The following HPSE2 variants were observed in gnomAD, a reference collection of about 807,000 sequenced individuals.
The protein encoded by HPSE2 is heparanase 2 (inactive).
HPSE2 carries 38 observed loss-of-function variants against 60.5 expected under a neutral mutation model. The ratio of observed to expected loss-of-function variants is 0.63; its 90% CI spans 0.48 to 0.82. The LOEUF (loss-of-function observed/expected upper bound fraction) is 0.82, where lower values mean the gene tolerates loss of function less well. Among genes scored for constraint, HPSE2 ranks in the 40% least tolerant of loss-of-function variants. HPSE2 has a pLI of 0.00. For missense variants in HPSE2, 713 were observed against 740.4 expected (o/e 0.96, Z 0.43); for synonymous variants, 295 against 293.2 (o/e 1.01, Z -0.06).
intron 3 of HPSE2, among the ~76,000 whole-genome samples, chr10:99,004,046 A>C (rs1956836615): frequency 6.6e-6 from 1 of 152,090 alleles, no homozygotes; most frequent in South Asian, 2.1e-4. Context: ...ATTTGATATA[A>C]GTATAGTTAC....
intron 7 of HPSE2, among the ~76,000 whole-genome samples, chr10:98,635,985 G>A (rs1172857374): frequency 1.3e-5 from 2 of 151,990 alleles, no homozygotes; most frequent in Non-Finnish European, 2.9e-5. Flanking sequence ...AAATTTGATC[G>A]CATAAAAGTA....
the HPSE2 span, among the ~76,000 whole-genome samples, chr10:99,268,710 GATTA>G: frequency 6.7e-6 from 1 of 150,240 alleles, no homozygotes; most frequent in African/African-American, 2.4e-5. Flanking sequence ...TAAATAAATT[GATTA>G]ATTAATTAAA....
intron 3 of HPSE2, among the ~76,000 whole-genome samples, chr10:98,819,285 A>G (rs1951364799): frequency 6.6e-6 from 1 of 152,160 alleles, no homozygotes; most frequent in Non-Finnish European, 1.5e-5. Context: ...AATCCTCTGT[A>G]TTTGACACTC....
intron 3 of HPSE2, among the ~76,000 whole-genome samples, chr10:99,108,713 T>A (rs1844342851): frequency 6.6e-6 from 1 of 152,208 alleles, no homozygotes; most frequent in African/African-American, 2.4e-5. Flanking sequence ...TTAGTCCTTT[T>A]AGCATGAAGT....
At chr10:99,240,271 A>G (rs191379662), upstream of HPSE2, among the ~76,000 whole-genome samples, 1 of 152,282 alleles carries the variant, frequency 6.6e-6, no homozygotes, top group East Asian at 1.9e-4. Flanking sequence ...GGAAATATAT[A>G]CCAGTAACCA....
rs572223865 is a variant in HPSE2, at chr10:98,723,800, C to T, written c.785-1972G>A. ...ATGATAGTTTGTATGTCTGTGGGAT[C>T]GGTGGTGATATCCCCTTTGTCATTT... On this transcript the variant is annotated intron_variant, in intron 4 of 11. Coordinates refer to ENST00000370552, the MANE Select transcript of HPSE2 (RefSeq NM_021828.5). Among the ~76,000 whole-genome samples, 95 of 152,174 alleles carry T rather than the reference C, an allele frequency of 6.2e-4. 1 individual carries two copies. The South Asian group carries it at 9.1e-3, about 15-fold the overall frequency.
chr10:98,723,792 T>C (rs561389385), intron 4 of HPSE2, among the ~76,000 whole-genome samples: 2 of 152,342 alleles, frequency 1.3e-5, no homozygotes, highest in South Asian at 2.1e-4. Flanking sequence ...TTTGTATGTC[T>C]GTGGGATCGG....
At chr10:98,997,847 G>A (rs1252705997) in intron 3 of HPSE2, among the ~76,000 whole-genome samples, 2 of 152,196 alleles carry the variant, frequency 1.3e-5, no homozygotes, top group Admixed American at 6.5e-5. Context: ...AAGTGAAGAC[G>A]AGGAAGGTTG....
In HPSE2 at chr10:98,459,393, T is replaced by C; in HGVS notation, c.*181A>G. ...ATTTTCCTTTGGGATGGATGTGGCC[T>C]ACCTAGGCTAAGATCACGCTATGAC... On this transcript the variant is annotated 3_prime_UTR_variant, in exon 12 of 12. Coordinates refer to ENST00000370552, the MANE Select transcript of HPSE2 (RefSeq NM_021828.5). 1 of 719,704 alleles carries C rather than the reference T, an allele frequency of 1.4e-6. No individual in the cohort carries two copies. The highest frequency in any genetic ancestry group is 2.5e-6 in the Non-Finnish European group (1 of 407,384). 44.6% of individuals were successfully genotyped at this position (719,704 alleles called of 1,614,324 possible).
intron 3 of HPSE2, among the ~76,000 whole-genome samples, chr10:98,889,151 G>C (rs1953258730): frequency 6.6e-6 from 1 of 151,948 alleles, no homozygotes; most frequent in Non-Finnish European, 1.5e-5. Context: ...TGAACCAGTA[G>C]TGAAGTTGAT....
chr10:98,632,764 C>A (rs565494535), intron 7 of HPSE2, among the ~76,000 whole-genome samples: 1 of 152,214 alleles, frequency 6.6e-6, no homozygotes, highest in African/African-American at 2.4e-5. Flanking sequence ...ACATAATTTG[C>A]AGATTTCCTT....
intron 5 of HPSE2, among the ~76,000 whole-genome samples, chr10:98,714,465 CTTTTGT>C (rs1194572776): frequency 6.6e-6 from 1 of 151,774 alleles, no homozygotes; most frequent in Non-Finnish European, 1.5e-5. Context: ...AATGTATGGC[CTTTTGT>C]GACTGGCTTC....
intron 3 of HPSE2, among the ~76,000 whole-genome samples, chr10:98,864,206 G>T (rs535086499): frequency 2.0e-5 from 3 of 152,034 alleles, no homozygotes; most frequent in Non-Finnish European, 4.4e-5. Context: ...ATAAGCAATG[G>T]CTAAACATTA....
At chr10:98,846,354 C>G (rs1303097554) in intron 3 of HPSE2, among the ~76,000 whole-genome samples, 1 of 152,150 alleles carries the variant, frequency 6.6e-6, no homozygotes. Flanking sequence ...CATACAATTA[C>G]TTGACTGTGA....
chr10:98,857,348 T>G (rs978703160), intron 3 of HPSE2, among the ~76,000 whole-genome samples: 8 of 152,146 alleles, frequency 5.3e-5, no homozygotes, highest in Non-Finnish European at 7.4e-5. Context: ...AACACCTTTA[T>G]ATGTCTGTAT....
chr10:98,490,290 C>T, intron 9 of HPSE2, 94 bp from the exon 10 acceptor site: 1 of 818,046 alleles, frequency 1.2e-6, no homozygotes, highest in East Asian at 3.2e-5. Flanking sequence ...CACACACACA[C>T]ACGGGCCAGA....
At chr10:99,226,560 A>G (rs949267897) in intron 2 of HPSE2, among the ~76,000 whole-genome samples, 4 of 152,048 alleles carry the variant, frequency 2.6e-5, no homozygotes, top group African/African-American at 9.7e-5. Context: ...AGAATAATAC[A>G]TGATATCAAT....
chr10:99,300,597 T>A, the HPSE2 span, among the ~76,000 whole-genome samples: 2 of 152,164 alleles, frequency 1.3e-5, no homozygotes, highest in South Asian at 4.1e-4. Context: ...GGGAGACACT[T>A]ACTTTCCCAA....
At chr10:98,672,744 T>G (rs1294756687) in intron 6 of HPSE2, among the ~76,000 whole-genome samples, 1 of 152,208 alleles carries the variant, frequency 6.6e-6, no homozygotes, top group African/African-American at 2.4e-5. Context: ...CAATCATTTC[T>G]AAGCTTCTTA....
Sources: gnomAD v4.1 joint callset for allele counts (sites outside exome capture counted in the v4.1 genomes callset) on GRCh38, gnomAD v4.1.1 for gene constraint, MANE v1.5 for transcripts, NCBI Gene and HGNC (gene_info 2026-07-23, HGNC 2026-07-21) for gene names.